SESTD1: variants seen among roughly 807,000 people sequenced by gnomAD.
SESTD1 encodes SEC14 domain and spectrin repeat-containing protein 1.
Under a neutral mutation model 101.7 loss-of-function variants are expected in SESTD1, and 43 were observed. The ratio of observed to expected loss-of-function variants is 0.42; its 90% confidence interval spans 0.33 to 0.55. The LOEUF is 0.55. Among genes scored for constraint, SESTD1 ranks in the 20% least tolerant of loss-of-function variants. The pLI is 0.07. For synonymous variants in SESTD1, 283 were observed against 286.8 expected (o/e 0.99, Z 0.13); for missense variants, 647 against 815.1 (o/e 0.79, Z 2.51).
rs949583425 is a variant in SESTD1, at chr2:179,148,090, C to T, written c.581+1207G>A. Among the ~76,000 whole-genome samples, 5 of 152,252 alleles carry T rather than the reference C, an allele frequency of 3.3e-5. No homozygotes were observed. In the East Asian group the frequency reaches 5.8e-4, roughly 18 times the overall value. On this transcript the variant is annotated intron_variant, in intron 7 of 17. Coordinates refer to ENST00000428443, the MANE Select transcript of SESTD1 (RefSeq NM_178123.5). ...ACTTTAATCAGATTTACATTCAAAC[C>T]GTTTGTTTTCACAGTTTGACTTTGT... is the stretch of plus-strand genomic sequence containing the variant.
intron 1 of SESTD1, among the ~76,000 whole-genome samples, chr2:179,226,911 G>C (rs1246120750): frequency 6.6e-6 from 1 of 152,180 alleles, no homozygotes; most frequent in Non-Finnish European, 1.5e-5. Context: ...GCAGAATACA[G>C]AGGAAGCAGG....
At chr2:179,183,840 G>A (rs2046161262) in intron 2 of SESTD1, among the ~76,000 whole-genome samples, 1 of 146,020 alleles carries the variant, frequency 6.8e-6, no homozygotes, top group African/African-American at 2.5e-5. Context: ...AAAGGAGAGA[G>A]AGAGAGAGAG....
At chr2:179,230,492 A>C (rs1263500317) in intron 1 of SESTD1, among the ~76,000 whole-genome samples, 1 of 151,976 alleles carries the variant, frequency 6.6e-6, no homozygotes, top group African/African-American at 2.4e-5. Context: ...ATAAATCAGA[A>C]ATATAAACCT....
chr2:179,113,572 TTATC>T (rs1202293294), intron 16 of SESTD1, among the ~76,000 whole-genome samples: 3 of 152,210 alleles, frequency 2.0e-5, no homozygotes, highest in African/African-American at 7.2e-5. Context: ...GCATTACACT[TTATC>T]TAATCATGTT....
intron 5 of SESTD1, among the ~76,000 whole-genome samples, chr2:179,158,009 A>G (rs973145280): frequency 6.6e-6 from 1 of 152,142 alleles, no homozygotes; most frequent in Non-Finnish European, 1.5e-5. Context: ...AGAATACCCC[A>G]AATGATTTCC....
rs59103658 is a variant in SESTD1 at position 179,245,515 on chromosome 2, CAAAAAAAAAA to C, written c.-26+18974_-26+18983del. Among the ~76,000 whole-genome samples the C allele has an allele frequency of 5.8e-4, 26 of 45,202 alleles. 1 individual carries two copies. The Admixed American group carries it at 7.1e-3, about 12-fold the overall frequency. The allele number at this position is 45,202 out of a possible 152,430, so 29.7% of individuals were successfully genotyped here. Reference sequence around the variant, plus strand: ...TGGGCGACAGAGTGAGACTCTGTCTCAAAAAAAAAAAAAAAAAAAAAAAAAAAGTAGCCAG... The same window carrying C: ...TGGGCGACAGAGTGAGACTCTGTCTCAAAAAAAAAAAAAAAAAGTAGCCAG... On this transcript the variant is annotated intron_variant, in intron 1 of 17. Coordinates refer to ENST00000428443, the MANE Select transcript of SESTD1 (RefSeq NM_178123.5).
At position 179,214,633 on chromosome 2, in the gene SESTD1, C is replaced by A. The variant is rs1201357509; in HGVS notation, c.-25-22767G>T. On this transcript the variant is annotated intron_variant, in intron 1 of 17. Coordinates refer to ENST00000428443, the MANE Select transcript of SESTD1 (RefSeq NM_178123.5). ...GACTTGAACTCAGCTCTGCACCAAG[C>A]AGACCTAATAGATGTCTACAGAACT... Among the ~76,000 whole-genome samples the A allele has an allele frequency of 3.0e-5, 4 of 134,832 alleles. 1 individual carries two copies. Among genetic ancestry groups the A allele is most frequent in the South Asian group, 2.8e-4 (1 of 3,522 alleles). The allele number at this position is 134,832 out of a possible 152,430, so 88.5% of individuals were successfully genotyped here.
chr2:179,179,675 T>C (rs2105482316), intron 3 of SESTD1, among the ~76,000 whole-genome samples: 1 of 152,352 alleles, frequency 6.6e-6, no homozygotes, highest in African/African-American at 2.4e-5. Flanking sequence ...AGCACCATGC[T>C]TTAAATATGG....
chr2:179,223,321 T>C (rs964890601), intron 1 of SESTD1, among the ~76,000 whole-genome samples: 3 of 152,076 alleles, frequency 2.0e-5, no homozygotes, highest in Non-Finnish European at 4.4e-5. Context: ...AAGTTTCTTT[T>C]TGGGGTGATG....
chr2:179,117,721 C>T (rs2044664674), intron 13 of SESTD1, 108 bp from the exon 14 acceptor site: 1 of 779,754 alleles, frequency 1.3e-6, no homozygotes, highest in Admixed American at 3.3e-5. Context: ...ATACTTAGTC[C>T]TAAACAATGG....
intron 2 of SESTD1, among the ~76,000 whole-genome samples, chr2:179,185,423 T>C (rs1156895455): frequency 6.9e-6 from 1 of 145,036 alleles, no homozygotes; most frequent in African/African-American, 2.5e-5. Flanking sequence ...TATAATATAG[T>C]ATATTCTATA....
At chr2:179,199,122 A>T (rs943134062) in intron 1 of SESTD1, among the ~76,000 whole-genome samples, 2 of 151,898 alleles carry the variant, frequency 1.3e-5, no homozygotes, top group Admixed American at 6.6e-5. Context: ...ATAAAGGGGA[A>T]ATCACCACCG....
chr2:179,164,855 C>G (rs1272316588), intron 5 of SESTD1, among the ~76,000 whole-genome samples: 1 of 152,124 alleles, frequency 6.6e-6, no homozygotes, highest in East Asian at 1.9e-4. Flanking sequence ...GGTAATAAAT[C>G]TTTGTTGCAG....
chr2:179,212,862 A>G (rs1461969778), intron 1 of SESTD1, among the ~76,000 whole-genome samples: 1 of 134,892 alleles, frequency 7.4e-6, no homozygotes, highest in Non-Finnish European at 1.6e-5. Context: ...CAGGGTCTGG[A>G]GTGGACCTCC....
At chr2:179,250,787 T>A (rs1243738844) in intron 1 of SESTD1, among the ~76,000 whole-genome samples, 2 of 152,212 alleles carry the variant, frequency 1.3e-5, no homozygotes, top group Admixed American at 6.5e-5. Context: ...TGTGGGGATA[T>A]AATTCCACCT....
rs780228169 is a variant in SESTD1, at chr2:179,124,417, A to G, written c.1114T>C (p.Phe372Leu). The G allele has an allele frequency of 3.1e-6, 5 of 1,614,102 alleles. No homozygotes were observed. Among genetic ancestry groups the G allele is most frequent in the Non-Finnish European group, 4.2e-6 (5 of 1,179,990 alleles). Residue 372 changes from phenylalanine to leucine, a missense_variant, in exon 11 of 18, where the codon TTT becomes CTT. Coordinates refer to ENST00000428443, the MANE Select transcript of SESTD1 (RefSeq NM_178123.5). Reference protein sequence around the residue: ...VCYRQASQLEFRQNLLQAALE... With the variant: ...VCYRQASQLELRQNLLQAALE... ...GCTGCTTGTAAGAGATTTTGCCTAA[A>G]TTCCAGCTGACTGGCCTGTCGATAA... is the stretch of plus-strand genomic sequence containing the variant.
intron 1 of SESTD1, among the ~76,000 whole-genome samples, chr2:179,208,620 A>G (rs2046616683): frequency 7.4e-6 from 1 of 135,082 alleles, no homozygotes; most frequent in Non-Finnish European, 1.6e-5. Context: ...ATCCAGCAAA[A>G]CTAAGCTTCA....
intron 1 of SESTD1, among the ~76,000 whole-genome samples, chr2:179,239,972 A>C (rs942304202): frequency 6.6e-6 from 1 of 152,198 alleles, no homozygotes; most frequent in Non-Finnish European, 1.5e-5. Context: ...TTCCAGCTTC[A>C]CATCTTCTGA....
chr2:179,109,999 T>C lies in SESTD1; in HGVS notation c.1991A>G (p.Asp664Gly). The C allele has an allele frequency of 6.2e-7, 1 of 1,613,860 alleles. No homozygotes were observed. Among genetic ancestry groups the C allele is most frequent in the African/African-American group, 1.3e-5 (1 of 75,010 alleles). The stretch of plus-strand genomic sequence containing the variant: ...GATGTTTTCTGCAGTAGAAGCCATG[T>C]CACTTGGACTCCCAAAATATTGTTC... ...GTEQYFGSPS[D>G]MASTAENIRD... The change falls in exon 18 of 18, where the codon GAC (aspartate) becomes GGC (glycine). Residue 664 changes from aspartate to glycine, a missense_variant. Asp to Gly is a moderately conservative substitution (Grantham distance 94). This residue lies in a region of SESTD1 where 476 missense variants were observed against 562.6 expected (regional missense o/e 0.85). Coordinates refer to ENST00000428443, the MANE Select transcript of SESTD1 (RefSeq NM_178123.5).
Sources: gnomAD v4.1 joint callset for allele counts (sites outside exome capture counted in the v4.1 genomes callset) on GRCh38, gnomAD v4.1.1 for gene constraint, gnomAD v4.1.1 regional missense constraint, MANE v1.5 for transcripts, NCBI Gene and HGNC (gene_info 2026-07-23, HGNC 2026-07-21) for gene names.